Variants in RYR3 observed in about 807,000 individuals in gnomAD.
The protein encoded by RYR3 is brain ryanodine receptor-calcium release channel.
RYR3 carries 207 observed loss-of-function variants against 584.3 expected under a neutral mutation model. The ratio of observed to expected loss-of-function variants is 0.35; its 90% confidence interval spans 0.32 to 0.40. The LOEUF is 0.40. Ranked by LOEUF, RYR3 falls within the 10% of genes least tolerant of loss-of-function variation. The pLI, the probability that RYR3 is intolerant of heterozygous loss-of-function variation, is 1.00. For synonymous variants in RYR3, 2,416 were observed against 2,248.5 expected (o/e 1.07, Z -2.11); for missense variants, 5,616 against 6,089.2 (o/e 0.92, Z 2.59).
intron 1 of RYR3, among the ~76,000 whole-genome samples, chr15:33,347,052 T>A (rs1415522545): frequency 6.6e-6 from 1 of 152,164 alleles, no homozygotes; most frequent in Non-Finnish European, 1.5e-5. Flanking sequence ...AGATGTAAAA[T>A]GCCATTTTCA....
intron 85 of RYR3, among the ~76,000 whole-genome samples, chr15:33,828,803 C>T (rs111769772): frequency 0.012 from 1,838 of 152,292 alleles, 48 homozygotes; most frequent in African/African-American, 0.041. Flanking sequence ...CAGCAAGTTA[C>T]CCAGAAGATC....
chr15:33,788,063 G>A (rs1205034330), intron 66 of RYR3, 155 bp from the exon 67 acceptor site: 1 of 910,368 alleles, frequency 1.1e-6, no homozygotes, highest in Non-Finnish European at 1.7e-6. Flanking sequence ...GACTCTATGA[G>A]AGGGAAGTAT....
At chr15:33,660,779 T>C (rs1356553629) in intron 34 of RYR3, among the ~76,000 whole-genome samples, 1 of 152,196 alleles carries the variant, frequency 6.6e-6, no homozygotes, top group East Asian at 1.9e-4. Flanking sequence ...GTTCCTGGTC[T>C]CCCCTTGCTA....
intron 3 of RYR3, among the ~76,000 whole-genome samples, chr15:33,518,882 T>G (rs735545): frequency 0.46 from 69,447 of 151,948 alleles, 16,494 homozygotes; most frequent in Middle Eastern, 0.61. Context: ...CAGAGAGAAA[T>G]GTAGAATGCA....
At chr15:33,559,356 G>A (rs957176902) in intron 10 of RYR3, among the ~76,000 whole-genome samples, 1 of 152,184 alleles carries the variant, frequency 6.6e-6, no homozygotes, top group African/African-American at 2.4e-5. Flanking sequence ...CATGTGAGGA[G>A]ACACAGGAGA....
Position 33,838,149 on chromosome 15 carries a change from G to C in RYR3, c.12169G>C (p.Glu4057Gln). The change falls in exon 89 of 104, where the codon GAG becomes CAG. Residue 4057 changes from glutamate (E) to glutamine (Q), a missense_variant. Physicochemically the swap from Glu to Gln is conservative, Grantham distance 29. Transcript: ENST00000634891. ...CAGTGAATCCAGTCGCACTCAGTGG[G>C]AGAAGCCCCAGGTGAAGGAATCTAA... ...EISESSRTQW[E>Q]KPQVKESKRQ... The C allele has an allele frequency of 1.2e-6, 2 of 1,614,004 alleles. No homozygotes were observed. The highest frequency in any genetic ancestry group is 1.7e-6 in the Non-Finnish European group (2 of 1,179,896).
chr15:33,768,607 T>G, intron 60 of RYR3, 51 bp from the exon 61 acceptor site: 224 of 1,532,702 alleles, frequency 1.5e-4, no homozygotes, highest in Non-Finnish European at 1.8e-4. Context: ...ATACAAAGCG[T>G]GAGTCCTTTA....
Position 33,859,666 on chromosome 15 carries a change from A to G in RYR3, c.14234A>G (p.Tyr4745Cys). 6.2e-7 allele frequency: 1 copy of G among 1,613,964 alleles called. No individual in the cohort carries two copies. The highest frequency in any genetic ancestry group is 8.5e-7 in the Non-Finnish European group (1 of 1,179,868). The change falls in exon 100 of 104, where the codon TAT becomes TGT. Residue 4745 changes from tyrosine to cysteine, a missense_variant. Physicochemically the swap from Tyr to Cys is radical, Grantham distance 194. This residue lies in a region of RYR3 where 918 missense variants were observed against 887.4 expected (regional missense o/e 1.03). Transcript: ENST00000634891. ...CCTGCTGGTGATCCTTATGAAATGT[A>G]TCGCATTGTCTTTGACATTACCTTT... Reference protein sequence around the residue: ...EDPAGDPYEMYRIVFDITFFF... With the variant: ...EDPAGDPYEMCRIVFDITFFF...
chr15:33,843,374 G>A (rs543341339), intron 91 of RYR3, 114 bp from the exon 92 acceptor site: 7 of 691,610 alleles, frequency 1.0e-5, no homozygotes, highest in South Asian at 6.6e-5. Context: ...GGTCATCAAA[G>A]AGTAGGACGA....
intron 10 of RYR3, among the ~76,000 whole-genome samples, chr15:33,550,780 A>G (rs1179021268): frequency 1.3e-5 from 2 of 152,218 alleles, no homozygotes; most frequent in African/African-American, 4.8e-5. Context: ...TTTCAGTGCT[A>G]TATTTGTTTA....
chr15:33,863,333 C>T (rs1320663815), intron 102 of RYR3, among the ~76,000 whole-genome samples: 1 of 152,152 alleles, frequency 6.6e-6, no homozygotes, highest in Non-Finnish European at 1.5e-5. Context: ...AGGCAGTGAA[C>T]ATACTTAGAG....
At chr15:33,323,550 G>A (rs1055642804) in intron 1 of RYR3, among the ~76,000 whole-genome samples, 9 of 152,184 alleles carry the variant, frequency 5.9e-5, no homozygotes, top group African/African-American at 2.2e-4. Flanking sequence ...ATGGGGAGGG[G>A]GTGGAAGATG....
At chr15:33,811,128 A>C (rs541189701) in intron 72 of RYR3, 91 bp downstream of exon 72, 1 of 1,062,742 alleles carries the variant, frequency 9.4e-7, no homozygotes, top group Non-Finnish European at 1.4e-6. Flanking sequence ...CATGCTTCTT[A>C]TATGTGTTCC....
chr15:33,593,041 G>A (rs1033535032), intron 16 of RYR3, among the ~76,000 whole-genome samples: 2 of 152,208 alleles, frequency 1.3e-5, no homozygotes, highest in African/African-American at 4.8e-5. Flanking sequence ...AGCTGAGAGG[G>A]AGCTTCCAGG....
chr15:33,692,270 A>C (rs1219356306), intron 38 of RYR3, among the ~76,000 whole-genome samples: 1 of 152,206 alleles, frequency 6.6e-6, no homozygotes, highest in Admixed American at 6.5e-5. Context: ...ATTGCTTGCT[A>C]GGGGTATAAA....
intron 38 of RYR3, among the ~76,000 whole-genome samples, chr15:33,683,120 G>A (rs535238017): frequency 7.9e-5 from 12 of 151,582 alleles, no homozygotes; most frequent in African/African-American, 1.7e-4. Context: ...TCAGCCTCCC[G>A]AGTAGCTGGG....
Position 33,579,980 on chromosome 15 carries a change from A to G in RYR3, c.1273A>G (p.Asn425Asp), listed in dbSNP as rs760893647. 6.2e-7 allele frequency: 1 copy of G among 1,606,552 alleles called. No individual in the cohort carries two copies. The highest frequency in any genetic ancestry group is 8.5e-7 in the Non-Finnish European group (1 of 1,176,306). ...TALFSQFVSG[N>D]NRTAAPITLP... is the part of the protein sequence containing the mutation. The stretch of plus-strand genomic sequence containing the variant: ...TGTCAATCTCATGGTTTTTAGCGGA[A>G]ACAATCGCACAGCTGCCCCCATCAC... Residue 425 changes from asparagine (N) to aspartate (D), a missense_variant, in exon 13 of 104, where the codon AAC becomes GAC. Asn to Asp is a conservative substitution (Grantham distance 23, BLOSUM62 1). Transcript: ENST00000634891.
At chr15:33,777,788 GAA>G (rs71117173) in intron 64 of RYR3, among the ~76,000 whole-genome samples, 1,554 of 144,108 alleles carry the variant, frequency 0.011, 29 homozygotes, top group African/African-American at 0.036. Flanking sequence ...AAAGAAAGAG[GAA>G]AAAAAAAAAA....
intron 5 of RYR3, among the ~76,000 whole-genome samples, chr15:33,533,788 G>C (rs2055082093): frequency 6.6e-6 from 1 of 152,100 alleles, no homozygotes; most frequent in African/African-American, 2.4e-5. Flanking sequence ...ATTTTGTTCT[G>C]CAATGAACAA....
Sources: allele counts gnomAD v4.1 joint callset (sites outside exome capture counted in the v4.1 genomes callset), GRCh38; gene constraint gnomAD v4.1.1; regional missense constraint gnomAD v4.1.1; transcripts MANE v1.5; gene names NCBI Gene and HGNC (gene_info 2026-07-23, HGNC 2026-07-21).